The following PPP2R5A variants were observed in gnomAD, a reference collection of about 807,000 sequenced individuals.
PPP2R5A encodes the protein serine/threonine-protein phosphatase 2A 56 kDa regulatory subunit alpha isoform.
In PPP2R5A, 25 loss-of-function variants were observed where a neutral mutation model predicts 64.2. The ratio of observed to expected loss-of-function variants is 0.39; its 90% CI spans 0.28 to 0.54. PPP2R5A has a LOEUF of 0.54. PPP2R5A is among the 20% of genes least tolerant of loss of function. The pLI, the probability that PPP2R5A is intolerant of heterozygous loss-of-function variation, is 0.67. For synonymous variants in PPP2R5A, 198 were observed against 201.2 expected, an observed-to-expected ratio of 0.98 and a Z score of 0.13; for missense variants, 425 against 576.3, an observed-to-expected ratio of 0.74 and a Z score of 2.69.
At position 212,329,266 on chromosome 1, in the gene PPP2R5A, G is replaced by C. The variant is rs1659459158; in HGVS notation, c.313G>C (p.Val105Leu). The C allele has an allele frequency of 6.2e-7, 1 of 1,611,716 alleles. No individual in the cohort carries two copies. The highest frequency in any genetic ancestry group is 8.5e-7 in the Non-Finnish European group (1 of 1,179,362). The change falls in exon 2 of 13, where the codon GTT becomes CTT. Residue 105 changes from valine (V) to leucine (L), a missense_variant. Coordinates refer to ENST00000261461, the MANE Select transcript of PPP2R5A (RefSeq NM_006243.4). Reference protein sequence around the residue: ...EIKRATLNELVEYVSTNRGVI... With the variant: ...EIKRATLNELLEYVSTNRGVI... ...TAAAAGAGCAACACTGAATGAACTG[G>C]TTGAGTATGTTTCAACTAATCGTGG...
chr1:212,358,486 T>A (rs554110349), intron 11 of PPP2R5A, 200 bp from the exon 12 acceptor site: 12 of 359,506 alleles, frequency 3.3e-5, no homozygotes, highest in African/African-American at 2.1e-4. Flanking sequence ...TGGAAAAGAT[T>A]TAAGTTTTCT....
At position 212,286,136 on chromosome 1, in the gene PPP2R5A, G is replaced by C; in HGVS notation, c.26G>C (p.Gly9Ala). 6.3e-7 allele frequency: 1 copy of C among 1,585,074 alleles called. No homozygotes were observed. Among genetic ancestry groups the C allele is most frequent in the Non-Finnish European group, 8.6e-7 (1 of 1,168,262 alleles). Residue 9 changes from glycine to alanine, a missense_variant, in exon 1 of 13, where the codon GGG (glycine) becomes GCG (alanine). Gly to Ala is a moderately conservative substitution (Grantham distance 60). Coordinates refer to ENST00000261461, the MANE Select transcript of PPP2R5A (RefSeq NM_006243.4). MSSSSPPA[G>A]AASAAISASE... ...ATGTCGTCGTCGTCGCCGCCGGCGG[G>C]GGCTGCCAGCGCCGCCATCTCGGCC...
rs1458927396 is a variant in PPP2R5A, at chr1:212,329,322, A to G, written c.369A>G (p.Ile123Met). 2 of 1,592,606 alleles carry G rather than the reference A, an allele frequency of 1.3e-6. No homozygotes were observed. The highest frequency in any genetic ancestry group is 1.8e-5 in the Admixed American group (1 of 55,154). Residue 123 changes from isoleucine to methionine, a missense_variant, in exon 2 of 13, where the codon ATA becomes ATG. Physicochemically the swap from Ile to Met is conservative, Grantham distance 10. Around this residue, in one of 4 missense-constraint regions of PPP2R5A, gnomAD observed 140 missense variants for 204.4 expected, o/e 0.68. Coordinates refer to ENST00000261461, the MANE Select transcript of PPP2R5A (RefSeq NM_006243.4). ...GVIVESAYSDIVKMISANIFR... is the reference protein window; with the variant it reads ...GVIVESAYSDMVKMISANIFR... ...TTGTTGAATCAGCGTATTCTGATAT[A>G]GTAAAAATGGTAAGCCTCTAGAATT...
In PPP2R5A at chr1:212,360,840, AAAAC is replaced by A; in HGVS notation, c.*75_*78del. 3 of 1,414,678 alleles carry A rather than the reference AAAAC, an allele frequency of 2.1e-6. No homozygotes were observed. Among genetic ancestry groups the A allele is most frequent in the Non-Finnish European group, 2.8e-6 (3 of 1,065,152 alleles). 87.6% of individuals were successfully genotyped at this position (1,414,678 alleles called of 1,614,324 possible). On this transcript the variant is annotated 3_prime_UTR_variant, in exon 13 of 13. Coordinates refer to ENST00000261461, the MANE Select transcript of PPP2R5A (RefSeq NM_006243.4). ...CTTTTTTGAAATATGTAAAAATTAC[AAAAC>A]AAACCTCATCAGTATAATATAATTA...
Position 212,356,674 on chromosome 1 carries a change from G to C in PPP2R5A, c.976G>C (p.Glu326Gln). The C allele has an allele frequency of 6.2e-7, 1 of 1,613,108 alleles. No homozygotes were observed. Among genetic ancestry groups the C allele is most frequent in the Non-Finnish European group, 8.5e-7 (1 of 1,179,582 alleles). Residue 326 changes from glutamate to glutamine, a missense_variant and splice_region_variant, in exon 9 of 13, where the codon GAG (glutamate) becomes CAG (glutamine). Glu to Gln is a conservative substitution (Grantham distance 29). Coordinates refer to ENST00000261461, the MANE Select transcript of PPP2R5A (RefSeq NM_006243.4). The stretch of plus-strand genomic sequence containing the variant: ...TTGGCCAAAAACCTGCAGTCAGAAA[G>C]AGGTGGGTTTTGTTCACTAAATGTA... ...KFWPKTCSQK[E>Q]VMFLGEIEEI... is the part of the protein sequence containing the mutation.
chr1:212,330,861 ATT>A (rs955195787), intron 2 of PPP2R5A, among the ~76,000 whole-genome samples: 1 of 146,730 alleles, frequency 6.8e-6, no homozygotes. Flanking sequence ...TCAAAAAAAA[ATT>A]TTTTTTTTTT....
intron 1 of PPP2R5A, chr1:212,307,031 T>G (rs1658928157): frequency 6.6e-6 from 1 of 152,182 alleles, no homozygotes; most frequent in African/African-American, 2.4e-5. Flanking sequence ...AGTGCTGGGA[T>G]TACAGGCGTG....
In PPP2R5A at chr1:212,357,303, G is replaced by A. The variant is rs774177445; in HGVS notation, c.1226+19G>A. 2 of 1,504,888 alleles carry A rather than the reference G, an allele frequency of 1.3e-6. No individual in the cohort carries two copies. Among genetic ancestry groups the A allele is most frequent in the East Asian group, 2.4e-5 (1 of 41,004 alleles). The allele number at this position is 1,504,888 out of a possible 1,614,324, so 93.2% of individuals were successfully genotyped here. ...GGAATCCGTAAGTATCTTTTATATAGGTCGTATTTTTTTCTTTTTTTTTTT... is the reference window on the plus strand; with the variant it reads ...GGAATCCGTAAGTATCTTTTATATAAGTCGTATTTTTTTCTTTTTTTTTTT... On this transcript the variant is annotated intron_variant, in intron 11 of 12. Transcript: ENST00000261461.
At chr1:212,307,438 C>G (rs1323185446) in intron 1 of PPP2R5A, among the ~76,000 whole-genome samples, 5 of 151,994 alleles carry the variant, frequency 3.3e-5, no homozygotes, top group Non-Finnish European at 7.4e-5. Flanking sequence ...GTTAATGTTA[C>G]AACCCCGAGA....
chr1:212,319,925 T>C (rs1420696077), intron 1 of PPP2R5A, among the ~76,000 whole-genome samples: 1 of 150,402 alleles, frequency 6.6e-6, no homozygotes, highest in Non-Finnish European at 1.5e-5. Context: ...GCCCAGCCTA[T>C]GTGTTCTTTT....
chr1:212,320,746 C>T (rs936358743), intron 1 of PPP2R5A, among the ~76,000 whole-genome samples: 1 of 140,916 alleles, frequency 7.1e-6, no homozygotes, highest in African/African-American at 2.6e-5. Context: ...TCCTCTCTTC[C>T]CAGTAGGGGC....
At chr1:212,327,476 G>A (rs148378719) in intron 1 of PPP2R5A, among the ~76,000 whole-genome samples, 6 of 152,220 alleles carry the variant, frequency 3.9e-5, no homozygotes, top group Non-Finnish European at 7.4e-5. Flanking sequence ...GTGCAGTGGC[G>A]CTATCTCGGC....
At chr1:212,345,985 T>G (rs771055967) in intron 5 of PPP2R5A, 52 bp downstream of exon 5, 2 of 1,492,966 alleles carry the variant, frequency 1.3e-6, no homozygotes, top group South Asian at 2.5e-5. Context: ...CATATCTTCT[T>G]GTATTCAAGT....
intron 3 of PPP2R5A, among the ~76,000 whole-genome samples, chr1:212,338,479 G>C (rs72754304): frequency 0.023 from 3,438 of 152,216 alleles, 46 homozygotes; most frequent in African/African-American, 0.027. Context: ...GCTGGGCGCA[G>C]TGGCTCACGC....
At chr1:212,329,024 G>T (rs1193468791) in intron 1 of PPP2R5A, 111 bp from the exon 2 acceptor site, 5 of 776,646 alleles carry the variant, frequency 6.4e-6, no homozygotes, top group African/African-American at 1.8e-5. Flanking sequence ...TTTCTCACTA[G>T]ATTTTTGGAA....
At position 212,286,210 on chromosome 1, in the gene PPP2R5A, A is replaced by G. The variant is rs1221346275; in HGVS notation, c.100A>G (p.Arg34Gly). Residue 34 changes from arginine (R) to glycine (G), a missense_variant, in exon 1 of 13, where the codon AGG becomes GGG. This residue lies in a region of PPP2R5A where 104 missense variants were observed against 95.7 expected (regional missense o/e 1.09). Coordinates refer to ENST00000261461, the MANE Select transcript of PPP2R5A (RefSeq NM_006243.4). The part of the protein sequence containing the change: ...FTRKSVRKAQ[R>G]QKRSQGSSQF... The stretch of plus-strand genomic sequence containing the variant: ...CCGGAAATCGGTCCGCAAGGCGCAG[A>G]GGCAGAAGCGCTCCCAGGGCTCGTC... 6.3e-7 allele frequency: 1 copy of G among 1,577,630 alleles called. No individual in the cohort carries two copies. Among genetic ancestry groups the G allele is most frequent in the African/African-American group, 1.4e-5 (1 of 73,346 alleles).
At chr1:212,315,675 T>A (rs1337676787) in intron 1 of PPP2R5A, among the ~76,000 whole-genome samples, 1 of 152,262 alleles carries the variant, frequency 6.6e-6, no homozygotes, top group Admixed American at 6.5e-5. Context: ...TATTTTAATT[T>A]TATGTAAATA....
intron 11 of PPP2R5A, among the ~76,000 whole-genome samples, chr1:212,357,765 C>A (rs113516848): frequency 6.8e-6 from 1 of 147,656 alleles, no homozygotes; most frequent in East Asian, 2.0e-4. Context: ...ATTGTGCCAC[C>A]GCACTCTAGC....
chr1:212,294,525 G>A (rs929086654), intron 1 of PPP2R5A, among the ~76,000 whole-genome samples: 1 of 150,304 alleles, frequency 6.7e-6, no homozygotes, highest in African/African-American at 2.5e-5. Context: ...AAAATATTTT[G>A]TTTGCTGTGA....
Sources: allele counts gnomAD v4.1 joint callset (sites outside exome capture counted in the v4.1 genomes callset), GRCh38; gene constraint gnomAD v4.1.1; regional missense constraint gnomAD v4.1.1; transcripts MANE v1.5; gene names NCBI Gene and HGNC (gene_info 2026-07-23, HGNC 2026-07-21).